The following APPL2 variants were observed in gnomAD, a reference collection of about 807,000 sequenced individuals.
APPL2 encodes the protein DCC-interacting protein 13-beta.
Under a neutral mutation model 92.7 loss-of-function variants are expected in APPL2, and 84 were observed. The observed-to-expected ratio is 0.91, with a 90% CI of 0.76 to 1.09. The LOEUF (loss-of-function observed/expected upper bound fraction) is 1.09. Among genes scored for constraint, APPL2 ranks in the 50% least tolerant of loss-of-function variants. The pLI is 0.00. For missense variants in APPL2, 736 were observed against 824.5 expected, an observed-to-expected ratio of 0.89 and a Z score of 1.31; for synonymous variants, 291 against 291.0, an observed-to-expected ratio of 1.00 and a Z score of 0.00.
At chr12:105,176,331 A>AC in intron 19 of APPL2, 1 of 545,500 alleles carries the variant, frequency 1.8e-6, no homozygotes, top group Non-Finnish European at 3.2e-6. Flanking sequence ...TCCAGTGTTA[A>AC]AAGTTCTTAA....
At chr12:105,189,438 G>A (rs114992066) in intron 16 of APPL2, among the ~76,000 whole-genome samples, 94 of 152,304 alleles carry the variant, frequency 6.2e-4, no homozygotes, top group African/African-American at 2.2e-3. Flanking sequence ...CAAGTTATTT[G>A]TGCTTTTGGT....
rs149337751 is a variant in APPL2 at position 105,195,551 on chromosome 12, G to A, written c.1095+34C>T. 3,124 of 1,614,150 alleles carry A rather than the reference G, an allele frequency of 1.9e-3. 5 individuals are homozygous for A. The highest frequency in any genetic ancestry group is 1.9e-3 in the Non-Finnish European group (2,214 of 1,180,012). On this transcript the variant is annotated intron_variant, in intron 12 of 20. Transcript: ENST00000258530. The stretch of plus-strand genomic sequence containing the variant: ...ACTGAATCCCAAAGTCACCCACCAC[G>A]TTAGGAAAGAAATATGACAAACAAA...
chr12:105,202,704 TA>T, intron 9 of APPL2, among the ~76,000 whole-genome samples: 1 of 152,202 alleles, frequency 6.6e-6, no homozygotes, highest in East Asian at 1.9e-4. Context: ...CTAGCATAAT[TA>T]TAAATAAAAG....
intron 4 of APPL2, among the ~76,000 whole-genome samples, chr12:105,212,561 C>T (rs1168932156): frequency 6.6e-6 from 1 of 152,186 alleles, no homozygotes; most frequent in Admixed American, 6.5e-5. Flanking sequence ...GCCTGGGATA[C>T]AGAATTTGTC....
At chr12:105,201,785 G>A (rs1078420) in intron 9 of APPL2, among the ~76,000 whole-genome samples, 13,287 of 152,112 alleles carry the variant, frequency 0.087, 883 homozygotes, top group African/African-American at 0.19. Context: ...CCGCAGAAAG[G>A]TAGAACTGTA....
intron 17 of APPL2, among the ~76,000 whole-genome samples, chr12:105,185,103 C>A (rs1372306406): frequency 6.6e-6 from 1 of 152,002 alleles, no homozygotes; most frequent in Non-Finnish European, 1.5e-5. Flanking sequence ...GGATGCCCCT[C>A]CCCCCCACCA....
rs750311966 is a variant in APPL2, at chr12:105,197,954, C to T, written c.864-1G>A. 1 of 1,612,870 alleles carries T rather than the reference C, an allele frequency of 6.2e-7. No individual in the cohort carries two copies. Among genetic ancestry groups the T allele is most frequent in the South Asian group, 1.1e-5 (1 of 90,988 alleles). ...GGTGGTGGTGACCAGCCCTGTTTTGCTGTGAGTTGTGTTTTAAAAAGCCCA... is the reference window on the plus strand; with the variant it reads ...GGTGGTGGTGACCAGCCCTGTTTTGTTGTGAGTTGTGTTTTAAAAAGCCCA... On this transcript the variant is annotated splice_acceptor_variant, in intron 10 of 20. Coordinates refer to ENST00000258530, the MANE Select transcript of APPL2 (RefSeq NM_018171.5). LOFTEE classifies it high-confidence loss of function.
rs1888430057 is a variant in APPL2 at position 105,203,686 on chromosome 12, C to T, written c.704+17G>A. 6.2e-7 allele frequency: 1 copy of T among 1,613,336 alleles called. No individual in the cohort carries two copies. The highest frequency in any genetic ancestry group is 8.5e-7 in the Non-Finnish European group (1 of 1,179,396). The stretch of plus-strand genomic sequence containing the variant: ...AAGGCAAGGGGCACACAAGACCCGG[C>T]CGGAGTGCAGCATTACCTTTGAACC... On this transcript the variant is annotated intron_variant, in intron 9 of 20. Coordinates refer to ENST00000258530, the MANE Select transcript of APPL2 (RefSeq NM_018171.5).
chr12:105,236,013 G>A lies in APPL2; in HGVS notation c.-1C>T. 2 of 1,247,250 alleles carry A rather than the reference G, an allele frequency of 1.6e-6. No homozygotes were observed. The highest frequency in any genetic ancestry group is 2.0e-6 in the Non-Finnish European group (2 of 988,338). The allele number at this position is 1,247,250 out of a possible 1,614,324, so 77.3% of individuals were successfully genotyped here. A position where few individuals can be genotyped will look rare whatever the true frequency, so the allele number is the denominator to read the frequency against. ...GCAGGAGCTTGTCCACGGCGGGCAT[G>A]GTGCGGCGCGGCTCAGCCGAGGGCT... On this transcript the variant is annotated 5_prime_UTR_variant, in exon 1 of 21. Coordinates refer to ENST00000258530, the MANE Select transcript of APPL2 (RefSeq NM_018171.5).
intron 9 of APPL2, among the ~76,000 whole-genome samples, chr12:105,199,993 T>TTG (rs1346356333): frequency 1.3e-4 from 19 of 149,876 alleles, no homozygotes; most frequent in Admixed American, 6.7e-4. Flanking sequence ...TAATTTTGTT[T>TTG]TTTTTTTTTT....
At chr12:105,219,628 G>GTT (rs1048834672) in intron 2 of APPL2, among the ~76,000 whole-genome samples, 1 of 152,238 alleles carries the variant, frequency 6.6e-6, no homozygotes, top group Non-Finnish European at 1.5e-5. Flanking sequence ...AAATCATGGT[G>GTT]TAAGGGTTTT....
At chr12:105,205,777 T>C (rs1888648228) in intron 8 of APPL2, among the ~76,000 whole-genome samples, 1 of 152,226 alleles carries the variant, frequency 6.6e-6, no homozygotes, top group African/African-American at 2.4e-5. Flanking sequence ...CAAGGCCATC[T>C]GCCAGCTGTG....
chr12:105,197,549 C>T (rs1887768524), intron 11 of APPL2, among the ~76,000 whole-genome samples: 1 of 152,220 alleles, frequency 6.6e-6, no homozygotes, highest in Non-Finnish European at 1.5e-5. Flanking sequence ...GACAAACCCT[C>T]ACTTATCTCC....
intron 2 of APPL2, among the ~76,000 whole-genome samples, chr12:105,224,474 C>T (rs1044789960): frequency 1.3e-5 from 2 of 152,194 alleles, no homozygotes; most frequent in Non-Finnish European, 2.9e-5. Flanking sequence ...TGGTGGCTAG[C>T]GTGTCAGGAG....
At chr12:105,196,920 C>T (rs1423325943) in intron 11 of APPL2, among the ~76,000 whole-genome samples, 1 of 152,180 alleles carries the variant, frequency 6.6e-6, no homozygotes, top group Non-Finnish European at 1.5e-5. Flanking sequence ...AGGTCATTTC[C>T]CATCACCAAA....
intron 4 of APPL2, among the ~76,000 whole-genome samples, chr12:105,215,430 G>A (rs1279313991): frequency 6.6e-6 from 1 of 152,178 alleles, no homozygotes. Context: ...TTTTCCTACT[G>A]TTTAGTAGGG....
chr12:105,202,963 T>A (rs959443118), intron 9 of APPL2, among the ~76,000 whole-genome samples: 2 of 151,972 alleles, frequency 1.3e-5, no homozygotes, highest in African/African-American at 4.8e-5. Flanking sequence ...TGTATCCACA[T>A]GAAATAAAAT....
intron 1 of APPL2, chr12:105,233,205 C>T: frequency 1.0e-6 from 1 of 985,468 alleles, no homozygotes; most frequent in Non-Finnish European, 1.2e-6. Flanking sequence ...CATTATCTGT[C>T]TCTGGAACAA....
chr12:105,180,326 T>G (rs1272280020), intron 17 of APPL2, among the ~76,000 whole-genome samples: 2 of 152,174 alleles, frequency 1.3e-5, no homozygotes, highest in Non-Finnish European at 2.9e-5. Context: ...TTCTGTTCCA[T>G]TGGTCTATAT....
Sources: gnomAD v4.1 joint callset for allele counts (sites outside exome capture counted in the v4.1 genomes callset) on GRCh38, gnomAD v4.1.1 for gene constraint, MANE v1.5 for transcripts, NCBI Gene and HGNC (gene_info 2026-07-23, HGNC 2026-07-21) for gene names.